AAMDC: variants seen among roughly 807,000 people sequenced by gnomAD.
AAMDC encodes the protein mth938 domain-containing protein.
Under a neutral mutation model 15.5 loss-of-function variants are expected in AAMDC, and 16 were observed. The observed-to-expected ratio is 1.03, with a 90% CI of 0.70 to 1.57. The LOEUF is 1.57. AAMDC is among the 40% of genes most tolerant of loss of function. The pLI, the probability that AAMDC is intolerant of heterozygous loss-of-function variation, is 0.00. For synonymous variants in AAMDC, 51 were observed against 51.6 expected (o/e 0.99, Z 0.05); for missense variants, 141 against 144.9 (o/e 0.97, Z 0.14).
chr11:77,901,426 T>C, downstream of AAMDC: 10 of 1,613,970 alleles, frequency 6.2e-6, no homozygotes, highest in Non-Finnish European at 8.5e-6. Flanking sequence ...CTTACCCTCG[T>C]GTAGTTCGTG....
downstream of AAMDC, among the ~76,000 whole-genome samples, chr11:77,875,709 G>A (rs546190278): frequency 6.6e-6 from 1 of 152,174 alleles, no homozygotes; most frequent in Admixed American, 6.5e-5. Context: ...ATAGGAGGCT[G>A]TGGGAACATA....
intron 5 of AAMDC, chr11:77,883,945 T>C (rs549287015): frequency 1.9e-6 from 3 of 1,612,854 alleles, no homozygotes; most frequent in Admixed American, 3.3e-5. Context: ...GCCATCTGGA[T>C]ATAAGACCTA....
intron 1 of AAMDC, among the ~76,000 whole-genome samples, chr11:77,832,949 ATATGTGTGTGTGTGTGTGTGTGTGTGTG>A (rs1949503845): frequency 1.0e-5 from 1 of 96,292 alleles, no homozygotes; most frequent in African/African-American, 4.8e-5. Context: ...TTGTATATAT[ATATGTGTGTGTGTGTGTGTGTGTGTGTG>A]TGTGTGTGTG....
At chr11:77,849,982 C>T (rs1236265729) in intron 2 of AAMDC, among the ~76,000 whole-genome samples, 1 of 152,130 alleles carries the variant, frequency 6.6e-6, no homozygotes, top group African/African-American at 2.4e-5. Context: ...ATCTGTTTCC[C>T]CCACTAAGTG....
At chr11:77,867,076 G>C (rs1951151219) in intron 2 of AAMDC, among the ~76,000 whole-genome samples, 1 of 152,060 alleles carries the variant, frequency 6.6e-6, no homozygotes, top group South Asian at 2.1e-4. Flanking sequence ...CCTGACCTCA[G>C]GTAATCCTCC....
At chr11:77,894,404 A>C in intron 5 of AAMDC, 1 of 938,790 alleles carries the variant, frequency 1.1e-6, no homozygotes, top group Admixed American at 2.3e-5. Flanking sequence ...ACTGAGGAGG[A>C]CCAAAAGTCC....
At chr11:77,835,825 G>T (rs187212302) in intron 1 of AAMDC, among the ~76,000 whole-genome samples, 1 of 152,026 alleles carries the variant, frequency 6.6e-6, no homozygotes, top group African/African-American at 2.4e-5. Flanking sequence ...GGTGGCTGAG[G>T]CACAAGAATC....
chr11:77,892,625 C>T (rs758201225), intron 5 of AAMDC, among the ~76,000 whole-genome samples: 44 of 152,060 alleles, frequency 2.9e-4, no homozygotes, highest in African/African-American at 9.9e-4. Context: ...CACTATTGCC[C>T]GGGCTGGTGT....
downstream of AAMDC, chr11:77,903,533 A>T (rs545738228): frequency 5.6e-6 from 9 of 1,613,386 alleles, no homozygotes; most frequent in African/African-American, 1.2e-4. Flanking sequence ...GGTCTGAATA[A>T]GCTTACCTGT....
chr11:77,894,237 T>G, intron 5 of AAMDC: 13 of 915,028 alleles, frequency 1.4e-5, no homozygotes, highest in Non-Finnish European at 2.3e-5. Flanking sequence ...CTGCAAGTGC[T>G]ATACTCCATG....
chr11:77,824,131 T>G (rs1445900202), intron 1 of AAMDC, among the ~76,000 whole-genome samples: 1 of 152,218 alleles, frequency 6.6e-6, no homozygotes, highest in African/African-American at 2.4e-5. Flanking sequence ...TTCACTAAAG[T>G]CTGTTCTTGA....
chr11:77,873,067 T>C (rs567141984), downstream of AAMDC, among the ~76,000 whole-genome samples: 226 of 152,356 alleles, frequency 1.5e-3, 1 homozygote, highest in African/African-American at 5.2e-3. Context: ...TGTGAAGCCT[T>C]AGAATAGACT....
downstream of AAMDC, among the ~76,000 whole-genome samples, chr11:77,904,447 T>G (rs1237928636): frequency 3.3e-5 from 5 of 152,248 alleles, no homozygotes; most frequent in Non-Finnish European, 5.9e-5. Context: ...TATTAACATT[T>G]CACCATGCAG....
At chr11:77,864,556 A>C (rs540246460) in intron 2 of AAMDC, among the ~76,000 whole-genome samples, 1 of 152,380 alleles carries the variant, frequency 6.6e-6, no homozygotes, top group African/African-American at 2.4e-5. Flanking sequence ...TGTGGTTCTA[A>C]ACACTAGAAA....
intron 5 of AAMDC, among the ~76,000 whole-genome samples, chr11:77,877,879 C>T (rs570101594): frequency 1.3e-5 from 2 of 152,138 alleles, no homozygotes; most frequent in African/African-American, 4.8e-5. Flanking sequence ...GCCACAGCCC[C>T]CAGCCCCATG....
intron 2 of AAMDC, among the ~76,000 whole-genome samples, chr11:77,858,432 G>A (rs544798243): frequency 2.7e-3 from 409 of 150,270 alleles, no homozygotes; most frequent in African/African-American, 9.1e-3. Flanking sequence ...GCTCTCAGGC[G>A]ATAGATGATT....
At chr11:77,891,417 C>G (rs1441211258) in intron 5 of AAMDC, 2 of 1,613,472 alleles carry the variant, frequency 1.2e-6, no homozygotes, top group Non-Finnish European at 1.7e-6. Context: ...AAAGGGTTGT[C>G]TGACTCGCCC....
At chr11:77,875,891 T>A (rs547120536), downstream of AAMDC, among the ~76,000 whole-genome samples, 1 of 152,094 alleles carries the variant, frequency 6.6e-6, no homozygotes, top group South Asian at 2.1e-4. Flanking sequence ...TCTGTTCAAG[T>A]GGAGTACAGA....
chr11:77,883,157 C>G (rs1472086873), intron 5 of AAMDC, among the ~76,000 whole-genome samples: 5 of 151,688 alleles, frequency 3.3e-5, no homozygotes, highest in Non-Finnish European at 7.4e-5. Context: ...AAAGGCATTC[C>G]CTATCTCTAA....
Sources: allele counts gnomAD v4.1 joint callset (sites outside exome capture counted in the v4.1 genomes callset), GRCh38; gene constraint gnomAD v4.1.1; transcripts MANE v1.5; gene names NCBI Gene and HGNC (gene_info 2026-07-23, HGNC 2026-07-21).